Variants in HERC2 observed in about 807,000 individuals in gnomAD.
The protein encoded by HERC2 is HECT and RLD domain containing E3 ubiquitin protein ligase 2, also known as E3 ubiquitin-protein ligase HERC2.
HERC2 carries 102 observed loss-of-function variants against 537.7 expected under a neutral mutation model. That is an observed-to-expected ratio of 0.19 (90% CI 0.16 to 0.22). The LOEUF is 0.22. HERC2 is among the 10% of genes least tolerant of loss of function. The probability of loss-of-function intolerance (pLI) is 1.00; values close to 1 mark genes in which losing one functional copy is unlikely to be tolerated. For missense variants in HERC2, 4,236 were observed against 6,198.2 expected (o/e 0.68, Z 10.63); for synonymous variants, 2,224 against 2,466.2 (o/e 0.90, Z 2.91).
In HERC2 at chr15:28,245,945, G is replaced by A. The variant is rs1465125043; in HGVS notation, c.3513C>T (p.Phe1171=). 1.9e-6 allele frequency: 3 copies of A among 1,614,014 alleles called. No individual in the cohort carries two copies. Among genetic ancestry groups the A allele is most frequent in the African/African-American group, 2.7e-5 (2 of 74,900 alleles). ...LGGLLEHLDR[F]NHLAPGKERD... ...GTTCCTTTCCTGGTGCCAGATGGTT[G>A]AACCGATCCAGATGTTCCAACAGGC... is the stretch of plus-strand genomic sequence containing the variant. The change falls in exon 23 of 93, where the codon TTC becomes TTT. Residue 1171 remains phenylalanine (F), a synonymous_variant. Coordinates refer to ENST00000261609, the MANE Select transcript of HERC2 (RefSeq NM_004667.6).
At chr15:28,222,815 G>T (rs571876707) in intron 35 of HERC2, among the ~76,000 whole-genome samples, 5 of 152,252 alleles carry the variant, frequency 3.3e-5, no homozygotes, top group Admixed American at 6.5e-5. Flanking sequence ...CGCCAGGAAG[G>T]GGGTGCCCGT....
Position 28,175,554 on chromosome 15 carries a change from A to G in HERC2, c.9789T>C (p.Ala3263=), listed in dbSNP as rs1315348972. 6.2e-7 allele frequency: 1 copy of G among 1,613,956 alleles called. No individual in the cohort carries two copies. The highest frequency in any genetic ancestry group is 2.2e-5 in the East Asian group (1 of 44,880). Residue 3263 remains alanine, a synonymous_variant, in exon 64 of 93, where the codon GCT becomes GCC. Coordinates refer to ENST00000261609, the MANE Select transcript of HERC2 (RefSeq NM_004667.6). The part of the protein sequence containing the change: ...GLRGKKIVHV[A]VGALHCLAVT... ...CCGCCAGGCAGTGCAGGGCCCCGAC[A>G]GCCACATGCACGATCTTCTTCCCTC...
At chr15:28,307,376 G>A (rs1016200986) in intron 2 of HERC2, among the ~76,000 whole-genome samples, 4 of 152,116 alleles carry the variant, frequency 2.6e-5, no homozygotes, top group African/African-American at 9.7e-5. Flanking sequence ...TTTTATTTCT[G>A]CTCTAATTTT....
Position 28,215,198 on chromosome 15 carries a change from T to A in HERC2, c.6211-396A>T, listed in dbSNP as rs1899763125. On this transcript the variant is annotated intron_variant, in intron 39 of 92. Coordinates refer to ENST00000261609, the MANE Select transcript of HERC2 (RefSeq NM_004667.6). ...GGCCTCTCTTTATTTTCTGTTCTCA[T>A]AACGCAAGTAATCAAGTGAAAATTT... Among the ~76,000 whole-genome samples, 3 of 152,290 alleles carry A rather than the reference T, an allele frequency of 2.0e-5. 1 individual carries two copies. The highest frequency in any genetic ancestry group is 7.2e-5 in the African/African-American group (3 of 41,560).
chr15:28,302,930 G>A (rs1013725580), intron 2 of HERC2, among the ~76,000 whole-genome samples: 5 of 151,840 alleles, frequency 3.3e-5, no homozygotes, highest in Admixed American at 6.6e-5. Context: ...TGGGTAGTTT[G>A]CAAATATTTT....
At chr15:28,164,235 G>T (rs1330442120) in intron 68 of HERC2, among the ~76,000 whole-genome samples, 1 of 152,188 alleles carries the variant, frequency 6.6e-6, no homozygotes, top group African/African-American at 2.4e-5. Context: ...AGCAAATCCA[G>T]TGCAACTCTT....
Position 28,257,223 on chromosome 15 carries a change from G to T in HERC2, c.2355C>A (p.Gly785=). Residue 785 remains glycine (G), a synonymous_variant, in exon 17 of 93, where the codon GGC becomes GGA. Transcript: ENST00000261609. ...AWSSCSEWSI[G]LRVPFVVDIC... is the part of the protein sequence containing the mutation. ...TGTCCACCACAAAAGGGACACGGAGGCCAATGGACCACTCAGAACATGATG... is the reference window on the plus strand; with the variant it reads ...TGTCCACCACAAAAGGGACACGGAGTCCAATGGACCACTCAGAACATGATG... 1 of 1,613,924 alleles carries T rather than the reference G, an allele frequency of 6.2e-7. No homozygotes were observed. The highest frequency in any genetic ancestry group is 8.5e-7 in the Non-Finnish European group (1 of 1,179,854).
chr15:28,143,496 G>T (rs1275285543), intron 74 of HERC2, among the ~76,000 whole-genome samples: 1 of 151,952 alleles, frequency 6.6e-6, no homozygotes, highest in Non-Finnish European at 1.5e-5. Context: ...CACCAGGCTG[G>T]AGTGTAGTGG....
At chr15:28,267,010 A>G (rs1226866948) in intron 12 of HERC2, among the ~76,000 whole-genome samples, 1 of 152,236 alleles carries the variant, frequency 6.6e-6, no homozygotes. Flanking sequence ...AATGAAAAGT[A>G]TGAGGCAGTG....
Position 28,262,907 on chromosome 15 carries a change from T to A in HERC2, c.2122+11A>T, listed in dbSNP as rs747558429. 6 of 1,612,166 alleles carry A rather than the reference T, an allele frequency of 3.7e-6. No homozygotes were observed. The highest frequency in any genetic ancestry group is 5.1e-6 in the Non-Finnish European group (6 of 1,178,630). On this transcript the variant is annotated intron_variant, in intron 15 of 92. Coordinates refer to ENST00000261609, the MANE Select transcript of HERC2 (RefSeq NM_004667.6). ...TCCTGAAGGGTTTTAAAAGTTTACA[T>A]TTGCACTCACCTTGCAAGCCTTCTA...
At chr15:28,280,395 A>G in intron 4 of HERC2, 108 bp from the exon 5 acceptor site, 1 of 871,878 alleles carries the variant, frequency 1.1e-6, no homozygotes, top group Non-Finnish European at 1.8e-6. Flanking sequence ...AAGGCATGAT[A>G]TGTGGCAATA....
intron 5 of HERC2, among the ~76,000 whole-genome samples, chr15:28,276,452 G>A (rs1225888887): frequency 6.6e-6 from 1 of 152,114 alleles, no homozygotes; most frequent in East Asian, 1.9e-4. Flanking sequence ...CATGTAACAG[G>A]ACACACAGTC....
At chr15:28,239,028 G>T (rs1490310733) in intron 23 of HERC2, among the ~76,000 whole-genome samples, 1 of 152,114 alleles carries the variant, frequency 6.6e-6, no homozygotes, top group Non-Finnish European at 1.5e-5. Flanking sequence ...AGATTTCAAA[G>T]AAATAAACTT....
intron 56 of HERC2, among the ~76,000 whole-genome samples, chr15:28,185,520 T>G (rs1896226840): frequency 6.6e-6 from 1 of 152,254 alleles, no homozygotes; most frequent in African/African-American, 2.4e-5. Flanking sequence ...TATCCTCCAT[T>G]GTTATTATCC....
rs1173559563 is a variant in HERC2 at position 28,152,771 on chromosome 15, C to T, written c.10806G>A (p.Ser3602=). 1.1e-5 allele frequency: 17 copies of T among 1,553,326 alleles called. No individual in the cohort carries two copies. Among genetic ancestry groups the T allele is most frequent in the Non-Finnish European group, 1.5e-5 (17 of 1,147,910 alleles). The change falls in exon 70 of 93, where the codon TCG becomes TCA. Residue 3602 remains serine, a synonymous_variant. Transcript: ENST00000261609. Reference sequence around the variant, plus strand: ...GCTGAGAAGAGAGGCGGCCGCTCTGCGAGTCTGTGGCCACATCCTCCAACT... The same window carrying T: ...GCTGAGAAGAGAGGCGGCCGCTCTGTGAGTCTGTGGCCACATCCTCCAACT... ...VTELEDVATD[S]QSGRLSSQPV...
At chr15:28,217,181 C>T (rs151314175) in intron 38 of HERC2, among the ~76,000 whole-genome samples, 104 of 152,324 alleles carry the variant, frequency 6.8e-4, no homozygotes, top group Non-Finnish European at 7.5e-4. Context: ...TACACTTACA[C>T]TGGGTGTCTC....
intron 69 of HERC2, among the ~76,000 whole-genome samples, chr15:28,158,040 G>C (rs531242032): frequency 6.6e-6 from 1 of 152,158 alleles, no homozygotes. Context: ...ATGTAGTTGA[G>C]CAGTTTTGAG....
intron 44 of HERC2, among the ~76,000 whole-genome samples, chr15:28,208,021 C>A (rs1331623205): frequency 2.0e-5 from 3 of 152,224 alleles, no homozygotes; most frequent in African/African-American, 7.2e-5. Flanking sequence ...GGTCTGCTGT[C>A]ACTGCTCATT....
intron 30 of HERC2, among the ~76,000 whole-genome samples, chr15:28,232,166 A>G (rs994117925): frequency 4.6e-5 from 7 of 152,336 alleles, no homozygotes; most frequent in Non-Finnish European, 8.8e-5. Context: ...TCATAAGCTT[A>G]TTGTTCAAAA....
Sources: gnomAD v4.1 joint callset for allele counts (sites outside exome capture counted in the v4.1 genomes callset) on GRCh38, gnomAD v4.1.1 for gene constraint, MANE v1.5 for transcripts, NCBI Gene and HGNC (gene_info 2026-07-23, HGNC 2026-07-21) for gene names.